The following SCN11A variants were observed in gnomAD, a reference collection of about 807,000 sequenced individuals.
The protein encoded by SCN11A is sodium voltage-gated channel alpha subunit 11.
A neutral mutation model predicts 162.2 loss-of-function variants in SCN11A; 122 were observed. The ratio of observed to expected loss-of-function variants is 0.75; its 90% confidence interval spans 0.65 to 0.87. SCN11A has a LOEUF of 0.87. SCN11A is among the 40% of genes least tolerant of loss of function. The pLI is 0.00. For synonymous variants in SCN11A, 758 were observed against 751.5 expected, an observed-to-expected ratio of 1.01 and a Z score of -0.14; for missense variants, 2,015 against 2,181.6, an observed-to-expected ratio of 0.92 and a Z score of 1.52.
Position 38,846,734 on chromosome 3 carries a change from G to A in SCN11A, c.5336C>T (p.Ser1779Phe), listed in dbSNP as rs2064670381. Residue 1779 changes from serine to phenylalanine, a missense_variant, in exon 30 of 30, where the codon TCT (serine) becomes TTT (phenylalanine). Ser to Phe is a radical substitution (Grantham distance 155). Coordinates refer to ENST00000302328, the MANE Select transcript of SCN11A (RefSeq NM_001349253.2). Reference protein sequence around the residue: ...PLQTLCNGDLSSFGVAKGKVH... With the variant: ...PLQTLCNGDLFSFGVAKGKVH... ...CTTGCCCTTGGCCACCCCAAAGCTA[G>A]ACAAGTCTCCATTGCAAAGAGTCTG... The A allele has an allele frequency of 1.2e-6, 2 of 1,614,024 alleles. No individual in the cohort carries two copies. The highest frequency in any genetic ancestry group is 8.5e-7 in the Non-Finnish European group (1 of 1,180,006).
chr3:38,937,347 G>A (rs1478886034), intron 7 of SCN11A, among the ~76,000 whole-genome samples: 1 of 149,800 alleles, frequency 6.7e-6, no homozygotes, highest in East Asian at 1.9e-4. Context: ...AAAAGCAATG[G>A]CAACAAAAGC....
At chr3:38,966,393 T>C (rs564217760) in intron 2 of SCN11A, among the ~76,000 whole-genome samples, 48 of 152,284 alleles carry the variant, frequency 3.2e-4, no homozygotes, top group Middle Eastern at 3.4e-3. Flanking sequence ...AAATAAATTA[T>C]GTAATTTGAG....
At position 38,905,179 on chromosome 3, in the gene SCN11A, A is replaced by T; in HGVS notation, c.1603+13T>A. On this transcript the variant is annotated intron_variant, in intron 15 of 29. Transcript: ENST00000302328. Reference sequence around the variant, plus strand: ...GAAGTAGACTTTCCCTTGGATTGGGATGTGGAACTTACCCTTCATGGTGAT... The same window carrying T: ...GAAGTAGACTTTCCCTTGGATTGGGTTGTGGAACTTACCCTTCATGGTGAT... 6.2e-7 allele frequency: 1 copy of T among 1,613,942 alleles called. No homozygotes were observed. Among genetic ancestry groups the T allele is most frequent in the Non-Finnish European group, 8.5e-7 (1 of 1,179,882 alleles).
intron 7 of SCN11A, among the ~76,000 whole-genome samples, chr3:38,938,906 G>A (rs919220450): frequency 6.6e-6 from 1 of 152,038 alleles, no homozygotes; most frequent in Non-Finnish European, 1.5e-5. Context: ...GCCAGGTGCT[G>A]TGGCTCATGC....
intron 2 of SCN11A, among the ~76,000 whole-genome samples, chr3:39,030,588 T>G (rs9311203): frequency 6.6e-6 from 1 of 152,056 alleles, no homozygotes; most frequent in South Asian, 2.1e-4. Context: ...GCCAAGAGCT[T>G]GAAATTATTT....
rs1175040354 is a variant in SCN11A, at chr3:38,880,227, T to A, written c.3220-104A>T. 4 of 748,434 alleles carry A rather than the reference T, an allele frequency of 5.3e-6. No individual in the cohort carries two copies. In the East Asian group the frequency reaches 8.1e-5, roughly 15 times the overall value. 46.4% of individuals were successfully genotyped at this position (748,434 alleles called of 1,614,324 possible). ...TTCCTTATATGAATAAAAACTGGTA[T>A]CTCTCTTCGTAATGAGGTTCTGCTC... On this transcript the variant is annotated intron_variant, in intron 22 of 29. Transcript: ENST00000302328.
At chr3:38,987,752 G>A (rs1179092712) in intron 2 of SCN11A, among the ~76,000 whole-genome samples, 1 of 152,186 alleles carries the variant, frequency 6.6e-6, no homozygotes, top group African/African-American at 2.4e-5. Flanking sequence ...GCCCGGGGCT[G>A]CTCTCTCAGG....
chr3:38,946,925 C>A lies in SCN11A; in HGVS notation c.268-18G>T, dbSNP rs2066526800. On this transcript the variant is annotated intron_variant, in intron 5 of 29. Transcript: ENST00000302328. ...ATAAATGTCTGCAAAACAAAAAAAA[C>A]AATACAAGAAAACACACACATACAC... 2 of 1,441,992 alleles carry A rather than the reference C, an allele frequency of 1.4e-6. No individual in the cohort carries two copies. Among genetic ancestry groups the A allele is most frequent in the East Asian group, 2.3e-5 (1 of 43,986 alleles). The allele number at this position is 1,441,992 out of a possible 1,614,324, so 89.3% of individuals were successfully genotyped here. A position where few individuals can be genotyped will look rare whatever the true frequency, so the allele number is the denominator to read the frequency against.
At chr3:38,869,223 C>T (rs2065087129) in intron 26 of SCN11A, among the ~76,000 whole-genome samples, 1 of 152,122 alleles carries the variant, frequency 6.6e-6, no homozygotes, top group Non-Finnish European at 1.5e-5. Context: ...TTGCAAGCCA[C>T]ACACCTTGTC....
At chr3:39,003,873 G>T (rs190727096) in intron 2 of SCN11A, among the ~76,000 whole-genome samples, 2,260 of 150,994 alleles carry the variant, frequency 0.015, 22 homozygotes, top group Middle Eastern at 0.027. Context: ...TTTTTAATGG[G>T]TTTTTTTTTC....
At chr3:38,956,729 G>A (rs2066685997) in intron 3 of SCN11A, among the ~76,000 whole-genome samples, 1 of 152,024 alleles carries the variant, frequency 6.6e-6, no homozygotes, top group Admixed American at 6.6e-5. Flanking sequence ...AGATAAAGCA[G>A]AATTAATTAT....
chr3:38,876,938 T>C lies in SCN11A; in HGVS notation c.3393+3012A>G, dbSNP rs1205849242. ...AGCACAATTCGCAATTGCAAAAATATGGATTCAGCCCAAATGCCCATCAAT... is the reference window on the plus strand; with the variant it reads ...AGCACAATTCGCAATTGCAAAAATACGGATTCAGCCCAAATGCCCATCAAT... On this transcript the variant is annotated intron_variant, in intron 23 of 29. Transcript: ENST00000302328. 3.3e-5 allele frequency among the ~76,000 whole-genome samples: 5 copies of C among 151,424 alleles called. No individual in the cohort carries two copies. In the East Asian group the frequency reaches 5.8e-4, roughly 18 times the overall value.
intron 22 of SCN11A, among the ~76,000 whole-genome samples, chr3:38,881,109 C>T (rs1370199063): frequency 2.0e-5 from 3 of 152,214 alleles, no homozygotes; most frequent in African/African-American, 4.8e-5. Context: ...GAAGAAGGCC[C>T]TCTATCTCAT....
At chr3:38,937,775 G>A (rs567860716) in intron 7 of SCN11A, among the ~76,000 whole-genome samples, 29 of 152,330 alleles carry the variant, frequency 1.9e-4, no homozygotes, top group African/African-American at 6.5e-4. Context: ...ACTGTTGGTG[G>A]AACTGTAAAC....
intron 2 of SCN11A, among the ~76,000 whole-genome samples, chr3:38,975,549 G>A (rs2066844913): frequency 6.6e-6 from 1 of 152,190 alleles, no homozygotes; most frequent in East Asian, 1.9e-4. Context: ...GTTTAGTGCA[G>A]GCATGTTAAA....
chr3:39,051,109 C>G (rs1430823465), intron 1 of SCN11A, among the ~76,000 whole-genome samples: 2 of 150,116 alleles, frequency 1.3e-5, no homozygotes, highest in Non-Finnish European at 3.0e-5. Flanking sequence ...CCTATAACAT[C>G]TTTTTGTCTT....
chr3:38,847,983 C>T (rs1381827787), intron 29 of SCN11A, among the ~76,000 whole-genome samples: 3 of 152,186 alleles, frequency 2.0e-5, no homozygotes, highest in Non-Finnish European at 2.9e-5. Flanking sequence ...AATTTAAATA[C>T]AGCCCTACTA....
At chr3:39,041,186 A>G (rs116454629) in intron 1 of SCN11A, among the ~76,000 whole-genome samples, 2,289 of 152,356 alleles carry the variant, frequency 0.015, 63 homozygotes, top group African/African-American at 0.051. Flanking sequence ...AAGAATAAAG[A>G]AAGCCTACAG....
At chr3:38,854,413 A>C (rs2064832998) in intron 28 of SCN11A, among the ~76,000 whole-genome samples, 2 of 152,360 alleles carry the variant, frequency 1.3e-5, no homozygotes, top group South Asian at 2.1e-4. Context: ...AAACTGGTAA[A>C]AAGTATTACA....
Sources: gnomAD v4.1 joint callset for allele counts (sites outside exome capture counted in the v4.1 genomes callset) on GRCh38, gnomAD v4.1.1 for gene constraint, MANE v1.5 for transcripts, NCBI Gene and HGNC (gene_info 2026-07-23, HGNC 2026-07-21) for gene names.